The following SLCO1B1 variants were observed in gnomAD, a reference collection of about 807,000 sequenced individuals.
The protein encoded by SLCO1B1 is OATP-2.
In SLCO1B1, 81 loss-of-function variants were observed where a neutral mutation model predicts 70.1. The ratio of observed to expected loss-of-function variants is 1.16; its 90% CI spans 0.97 to 1.39. The LOEUF is 1.39. Among genes scored for constraint, SLCO1B1 ranks in the 40% most tolerant of loss-of-function variants. SLCO1B1 has a pLI of 0.00. For missense variants in SLCO1B1, 895 were observed against 799.6 expected, an observed-to-expected ratio of 1.12 and a Z score of -1.44; for synonymous variants, 283 against 271.5, an observed-to-expected ratio of 1.04 and a Z score of -0.42.
At chr12:21,194,380 G>C (rs146299460) in intron 7 of SLCO1B1, among the ~76,000 whole-genome samples, 1 of 151,788 alleles carries the variant, frequency 6.6e-6, no homozygotes, top group Non-Finnish European at 1.5e-5. Flanking sequence ...ACACTTCCTG[G>C]CTTCTGTTTT....
chr12:21,219,410 A>T (rs11045872), intron 12 of SLCO1B1, among the ~76,000 whole-genome samples: 1 of 152,068 alleles, frequency 6.6e-6, no homozygotes, highest in Non-Finnish European at 1.5e-5. Flanking sequence ...AGGTCCAAAA[A>T]CGTGTGTAAG....
intron 10 of SLCO1B1, among the ~76,000 whole-genome samples, chr12:21,203,564 C>T (rs1017974062): frequency 3.3e-5 from 5 of 152,020 alleles, no homozygotes; most frequent in Non-Finnish European, 7.4e-5. Flanking sequence ...TTGGTTTTAA[C>T]TTGTCAAATA....
intron 2 of SLCO1B1, among the ~76,000 whole-genome samples, chr12:21,156,197 C>G (rs1480101318): frequency 6.6e-6 from 1 of 151,570 alleles, no homozygotes; most frequent in African/African-American, 2.4e-5. Context: ...TAGAAGCTAC[C>G]CCCTCCCTTT....
intron 7 of SLCO1B1, among the ~76,000 whole-genome samples, chr12:21,180,106 AT>A (rs1565674769): frequency 6.6e-6 from 1 of 151,872 alleles, no homozygotes; most frequent in Non-Finnish European, 1.5e-5. Context: ...TTCTTCATCC[AT>A]TTTCCCTCCT....
rs939813367 is a variant in SLCO1B1, at chr12:21,131,199, G to C, written c.-99G>C. 2 of 152,084 alleles carry C rather than the reference G, an allele frequency of 1.3e-5. No homozygotes were observed. Among genetic ancestry groups the C allele is most frequent in the African/African-American group, 4.8e-5 (2 of 41,420 alleles). 9.4% of individuals were successfully genotyped at this position (152,084 alleles called of 1,614,324 possible). ...CCAACTACTTTAAGAGGAATAAAGG[G>C]TGGACTTGTTGCAGTTGCTGTAGGA... On this transcript the variant is annotated 5_prime_UTR_variant, in exon 1 of 15. Coordinates refer to ENST00000256958, the MANE Select transcript of SLCO1B1 (RefSeq NM_006446.5).
intron 12 of SLCO1B1, among the ~76,000 whole-genome samples, chr12:21,221,827 T>A (rs896715636): frequency 6.6e-6 from 1 of 152,078 alleles, no homozygotes; most frequent in Non-Finnish European, 1.5e-5. Flanking sequence ...TAGTACAACC[T>A]TTATGAAAAA....
chr12:21,229,400 T>C (rs1367058226), intron 14 of SLCO1B1, among the ~76,000 whole-genome samples: 1 of 152,182 alleles, frequency 6.6e-6, no homozygotes, highest in Non-Finnish European at 1.5e-5. Flanking sequence ...ATTCATTCCT[T>C]CCTCCTCTAA....
At position 21,200,673 on chromosome 12, in the gene SLCO1B1, G is replaced by A. The variant is rs756393362; in HGVS notation, c.1135+1G>A. 55 of 1,610,410 alleles carry A rather than the reference G, an allele frequency of 3.4e-5. 1 individual carries two copies. In the Middle Eastern group the frequency reaches 6.6e-4, roughly 19 times the overall value. On this transcript the variant is annotated splice_donor_variant, in intron 9 of 14. Transcript: ENST00000256958. LOFTEE classifies it high-confidence loss of function. ...TCATCTAAGGCTAACATCTTATTGG[G>A]TAAGACATATTTTTTACTTGTGTGC...
At position 21,217,311 on chromosome 12, in the gene SLCO1B1, T is replaced by C. The variant is rs369495706; in HGVS notation, c.1682+8T>C. The C allele has an allele frequency of 3.1e-6, 5 of 1,612,022 alleles. No individual in the cohort carries two copies. The African/African-American group carries it at 6.7e-5, about 22-fold the overall frequency. On this transcript the variant is annotated splice_region_variant and intron_variant, in intron 12 of 14. Transcript: ENST00000256958. ...TGTCATGCTGATTGTTAAGTAAGTA[T>C]GACTTTTAAAAACATTTTCATATGC...
intron 2 of SLCO1B1, among the ~76,000 whole-genome samples, chr12:21,155,264 T>C (rs1489992981): frequency 1.3e-5 from 2 of 151,964 alleles, no homozygotes; most frequent in East Asian, 3.8e-4. Context: ...TTTACCTATA[T>C]ATGCTTTCAA....
At chr12:21,202,748 A>T in intron 10 of SLCO1B1, 62 bp downstream of exon 10, 2 of 1,277,046 alleles carry the variant, frequency 1.6e-6, no homozygotes, top group Non-Finnish European at 2.2e-6. Context: ...GAGTCTCTGT[A>T]TAAGTAATAT....
intron 11 of SLCO1B1, among the ~76,000 whole-genome samples, chr12:21,215,214 G>A (rs1282571446): frequency 6.6e-6 from 1 of 152,182 alleles, no homozygotes; most frequent in Non-Finnish European, 1.5e-5. Flanking sequence ...CCAGTACTAT[G>A]TTGAATAGGA....
intron 7 of SLCO1B1, among the ~76,000 whole-genome samples, chr12:21,182,921 G>A (rs540579674): frequency 2.0e-5 from 3 of 152,326 alleles, no homozygotes; most frequent in Admixed American, 2.0e-4. Flanking sequence ...TGTCCTGTCT[G>A]CCAGCTGCTG....
intron 11 of SLCO1B1, among the ~76,000 whole-genome samples, chr12:21,212,051 G>A (rs530441399): frequency 6.8e-6 from 1 of 147,368 alleles, no homozygotes; most frequent in Admixed American, 6.8e-5. Flanking sequence ...TTTTTTTTGT[G>A]TCTCTATTTC....
At chr12:21,149,334 C>A (rs190072833) in intron 2 of SLCO1B1, among the ~76,000 whole-genome samples, 1 of 152,234 alleles carries the variant, frequency 6.6e-6, no homozygotes, top group Admixed American at 6.5e-5. Context: ...AGCTTTCACC[C>A]ATTCAGTATG....
intron 2 of SLCO1B1, among the ~76,000 whole-genome samples, chr12:21,148,003 C>G (rs1023849728): frequency 6.6e-6 from 1 of 152,130 alleles, no homozygotes; most frequent in African/African-American, 2.4e-5. Flanking sequence ...ACATAAATGT[C>G]TTATTTTGAG....
rs376403455 is a variant in SLCO1B1 at position 21,139,845 on chromosome 12, G to A, written c.-61-1669G>A. Among the ~76,000 whole-genome samples, 12 of 152,068 alleles carry A rather than the reference G, an allele frequency of 7.9e-5. No homozygotes were observed. In the South Asian group the frequency reaches 2.3e-3, roughly 29 times the overall value. ...CACTGTATTTATTGCCACATTTTTG[G>A]CATTTTTGTGTTTTGTGTTTCTGAG... is the stretch of plus-strand genomic sequence containing the variant. On this transcript the variant is annotated intron_variant, in intron 1 of 14. Coordinates refer to ENST00000256958, the MANE Select transcript of SLCO1B1 (RefSeq NM_006446.5).
chr12:21,231,533 C>T (rs1008589370), intron 14 of SLCO1B1, among the ~76,000 whole-genome samples: 3 of 151,678 alleles, frequency 2.0e-5, no homozygotes, highest in African/African-American at 7.3e-5. Flanking sequence ...GGCAAAAAGA[C>T]AGACTGAGGA....
chr12:21,211,582 A>C (rs1166188039), intron 11 of SLCO1B1, among the ~76,000 whole-genome samples: 1 of 152,112 alleles, frequency 6.6e-6, no homozygotes, highest in Non-Finnish European at 1.5e-5. Context: ...TCATAAAATG[A>C]GTTAGGGAGG....
Sources: gnomAD v4.1 joint callset for allele counts (sites outside exome capture counted in the v4.1 genomes callset) on GRCh38, gnomAD v4.1.1 for gene constraint, MANE v1.5 for transcripts, NCBI Gene and HGNC (gene_info 2026-07-23, HGNC 2026-07-21) for gene names.